RERE: variants seen among roughly 807,000 people sequenced by gnomAD.
RERE encodes arginine-glutamic acid dipeptide repeats protein.
Under a neutral mutation model 146.1 loss-of-function variants are expected in RERE, and 40 were observed. The ratio of observed to expected loss-of-function variants is 0.27; its 90% CI spans 0.21 to 0.36. RERE has a LOEUF of 0.36. RERE is among the 10% of genes least tolerant of loss of function. The pLI is 1.00. For missense variants in RERE, 1,933 were observed against 2,138.7 expected (o/e 0.90, Z 1.90); for synonymous variants, 1,003 against 866.0 (o/e 1.16, Z -2.78).
intron 4 of RERE, among the ~76,000 whole-genome samples, chr1:8,570,044 T>TA (rs1369017476): frequency 1.3e-5 from 2 of 152,034 alleles, no homozygotes; most frequent in East Asian, 1.9e-4. Context: ...TATTTAAAAA[T>TA]AAAAAAATTT....
intron 4 of RERE, among the ~76,000 whole-genome samples, chr1:8,563,179 C>G (rs1646098839): frequency 6.6e-6 from 1 of 152,180 alleles, no homozygotes; most frequent in Non-Finnish European, 1.5e-5. Flanking sequence ...TCCTAGAGAT[C>G]TTTCATGATT....
intron 1 of RERE, among the ~76,000 whole-genome samples, chr1:8,673,340 C>T (rs577222562): frequency 1.1e-3 from 175 of 152,194 alleles, no homozygotes; most frequent in Non-Finnish European, 2.1e-3. Context: ...AGGTGATCCA[C>T]CTGCCTCGGC....
At chr1:8,622,961 T>A (rs1400314845) in intron 3 of RERE, among the ~76,000 whole-genome samples, 1 of 152,158 alleles carries the variant, frequency 6.6e-6, no homozygotes, top group Non-Finnish European at 1.5e-5. Context: ...AATAAGAGCA[T>A]TCACAGATAG....
At chr1:8,702,099 A>G (rs1317348301) in intron 1 of RERE, among the ~76,000 whole-genome samples, 1 of 152,084 alleles carries the variant, frequency 6.6e-6, no homozygotes, top group African/African-American at 2.4e-5. Context: ...AGAACTCAAA[A>G]CAGTAATTTT....
intron 12 of RERE, among the ~76,000 whole-genome samples, chr1:8,383,517 A>C (rs368597173): frequency 3.9e-5 from 6 of 152,058 alleles, no homozygotes; most frequent in African/African-American, 1.2e-4. Context: ...ATTTTATGAC[A>C]CCATCACTCC....
At chr1:8,668,028 A>G (rs1638619215) in intron 1 of RERE, among the ~76,000 whole-genome samples, 2 of 152,236 alleles carry the variant, frequency 1.3e-5, no homozygotes, top group Admixed American at 1.3e-4. Context: ...ATACTGCCAC[A>G]TATCCCCTGG....
intron 7 of RERE, among the ~76,000 whole-genome samples, chr1:8,533,219 AGTAAAGGGT>A (rs1645680676): frequency 2.6e-5 from 4 of 152,258 alleles, no homozygotes; most frequent in African/African-American, 9.6e-5. Context: ...CAGACAAGGT[AGTAAAGGGT>A]GGACCCCTGA....
At chr1:8,421,272 C>G (rs1035887469) in intron 12 of RERE, among the ~76,000 whole-genome samples, 1 of 152,154 alleles carries the variant, frequency 6.6e-6, no homozygotes, top group East Asian at 1.9e-4. Context: ...ACTTCCTACA[C>G]TCGGGCAAAG....
Position 8,550,082 on chromosome 1 carries a change from T to C in RERE, c.725+6393A>G, listed in dbSNP as rs377477607. Among the ~76,000 whole-genome samples the C allele has an allele frequency of 1.1e-4, 17 of 152,362 alleles. No individual in the cohort carries two copies. In the South Asian group the frequency reaches 2.1e-3, roughly 19 times the overall value. ...ATCAATGTTAATTCCCTGGTTCTGA[T>C]AACTGTACTATAGTTGTAGAAGAAG... On this transcript the variant is annotated intron_variant, in intron 6 of 22. Coordinates refer to ENST00000400908, the MANE Select transcript of RERE (RefSeq NM_001042681.2).
In RERE at chr1:8,365,912, G is replaced by A; in HGVS notation, c.1347C>T (p.Ala449=). 6.2e-7 allele frequency: 1 copy of A among 1,614,168 alleles called. No individual in the cohort carries two copies. Among genetic ancestry groups the A allele is most frequent in the Non-Finnish European group, 8.5e-7 (1 of 1,180,044 alleles). The change falls in exon 13 of 23, where the codon GCC becomes GCT. Residue 449 remains alanine, a synonymous_variant. Coordinates refer to ENST00000400908, the MANE Select transcript of RERE (RefSeq NM_001042681.2). The part of the protein sequence containing the change: ...KKTPEAASSR[A]HRRHRRQAVF... ...CGGCCTGCCTGCGGTGCCTACGATG[G>A]GCTCGGGAGCTGGCTGCTTCGGGGG...
intron 10 of RERE, among the ~76,000 whole-genome samples, chr1:8,471,960 C>T (rs936020966): frequency 2.0e-5 from 3 of 152,136 alleles, no homozygotes; most frequent in South Asian, 4.1e-4. Context: ...TACAGGCGCA[C>T]GTCACCACGC....
intron 1 of RERE, among the ~76,000 whole-genome samples, chr1:8,733,660 TATC>T (rs1640135980): frequency 6.6e-6 from 1 of 152,222 alleles, no homozygotes; most frequent in African/African-American, 2.4e-5. Flanking sequence ...CTCCAGGCCC[TATC>T]AAGCCTTCAG....
intron 10 of RERE, among the ~76,000 whole-genome samples, chr1:8,472,126 T>C (rs1644696503): frequency 6.6e-6 from 1 of 152,220 alleles, no homozygotes; most frequent in Non-Finnish European, 1.5e-5. Context: ...TTTTTCTTTC[T>C]TTAGATGAGG....
chr1:8,723,513 G>A (rs1449069209), intron 1 of RERE, among the ~76,000 whole-genome samples: 2 of 151,962 alleles, frequency 1.3e-5, no homozygotes. Flanking sequence ...GTCTTTAAAG[G>A]GTTCACTGTT....
chr1:8,363,905 G>A (rs1244365757), intron 15 of RERE, 151 bp downstream of exon 15: 6 of 704,076 alleles, frequency 8.5e-6, no homozygotes, highest in Non-Finnish European at 1.2e-5. Context: ...CCAGCCCACA[G>A]GCAAGCTACC....
At chr1:8,426,533 T>C (rs578155200) in intron 11 of RERE, among the ~76,000 whole-genome samples, 42 of 151,858 alleles carry the variant, frequency 2.8e-4, no homozygotes, top group African/African-American at 8.2e-4. Flanking sequence ...CCTTTATCTC[T>C]CTTTCCTAAT....
At chr1:8,565,290 A>G (rs1646140128) in intron 4 of RERE, among the ~76,000 whole-genome samples, 1 of 152,234 alleles carries the variant, frequency 6.6e-6, no homozygotes, top group African/African-American at 2.4e-5. Context: ...ATCATACATC[A>G]TTTTGTACTC....
chr1:8,416,586 CAA>C (rs5772324), intron 12 of RERE, among the ~76,000 whole-genome samples: 9 of 105,940 alleles, frequency 8.5e-5, no homozygotes, highest in Non-Finnish European at 1.1e-4. Context: ...ACTCCATCTC[CAA>C]AAAAAAAAAA....
chr1:8,676,802 A>G (rs1475165569), intron 1 of RERE, among the ~76,000 whole-genome samples: 1 of 152,236 alleles, frequency 6.6e-6, no homozygotes, highest in Non-Finnish European at 1.5e-5. Flanking sequence ...CGTCTGAGGC[A>G]GTTCTGTGAA....
Sources: allele counts gnomAD v4.1 joint callset (sites outside exome capture counted in the v4.1 genomes callset), GRCh38; gene constraint gnomAD v4.1.1; transcripts MANE v1.5; gene names NCBI Gene and HGNC (gene_info 2026-07-23, HGNC 2026-07-21).